DCHS2: variants seen among roughly 807,000 people sequenced by gnomAD.
The protein encoded by DCHS2 is dachsous cadherin-related 2, also known as protocadherin-23.
A neutral mutation model predicts 182.4 loss-of-function variants in DCHS2; 142 were observed. The observed-to-expected ratio is 0.78, with a 90% CI of 0.68 to 0.89. DCHS2 has a LOEUF of 0.89. Ranked by LOEUF, DCHS2 falls within the 40% of genes least tolerant of loss-of-function variation. The pLI is 0.00. For missense variants in DCHS2, 4,319 were observed against 4,198.6 expected (o/e 1.03, Z -0.79); for synonymous variants, 1,740 against 1,663.3 (o/e 1.05, Z -1.12).
At chr4:154,391,517 G>A (rs1731703294) in intron 1 of DCHS2, among the ~76,000 whole-genome samples, 2 of 152,146 alleles carry the variant, frequency 1.3e-5, no homozygotes, top group South Asian at 4.1e-4. Context: ...GAGTTAAAAA[G>A]ACTGAGGCAA....
intron 2 of DCHS2, among the ~76,000 whole-genome samples, chr4:154,367,367 G>A (rs539454412): frequency 6.6e-6 from 1 of 152,248 alleles, no homozygotes; most frequent in East Asian, 1.9e-4. Context: ...GCCTGAAGGA[G>A]GACAGGAGCA....
intron 1 of DCHS2, among the ~76,000 whole-genome samples, chr4:154,435,603 A>G (rs1207982602): frequency 6.6e-6 from 1 of 152,144 alleles, no homozygotes; most frequent in Non-Finnish European, 1.5e-5. Context: ...CTCAAAAAAA[A>G]AAAAAATTAC....
chr4:154,252,245 C>T (rs1444202251), intron 16 of DCHS2, among the ~76,000 whole-genome samples: 1 of 152,122 alleles, frequency 6.6e-6, no homozygotes, highest in Non-Finnish European at 1.5e-5. Context: ...TACAGGCATG[C>T]AATGTGTATC....
intron 1 of DCHS2, among the ~76,000 whole-genome samples, chr4:154,453,344 G>A (rs1403402666): frequency 4.7e-5 from 7 of 150,402 alleles, no homozygotes; most frequent in African/African-American, 1.5e-4. Flanking sequence ...TGGGGGTGGT[G>A]GGCAAAGATA....
At chr4:154,457,879 A>G (rs1427545445) in intron 1 of DCHS2, among the ~76,000 whole-genome samples, 6 of 152,142 alleles carry the variant, frequency 3.9e-5, no homozygotes, top group Admixed American at 3.9e-4. Context: ...TGGTCCAGGG[A>G]CCACACCTTG....
At chr4:154,371,756 C>G (rs1730656449) in intron 2 of DCHS2, among the ~76,000 whole-genome samples, 1 of 152,022 alleles carries the variant, frequency 6.6e-6, no homozygotes, top group Non-Finnish European at 1.5e-5. Flanking sequence ...GGAGCAGGAG[C>G]AAGAGAGAAG....
At chr4:154,238,574 G>A (rs569731890) in intron 19 of DCHS2, among the ~76,000 whole-genome samples, 3 of 152,308 alleles carry the variant, frequency 2.0e-5, no homozygotes, top group Admixed American at 1.3e-4. Flanking sequence ...TCACTTGCCT[G>A]AAGGCATTTC....
intron 3 of DCHS2, among the ~76,000 whole-genome samples, chr4:154,348,080 C>A (rs1275107215): frequency 2.0e-5 from 3 of 151,948 alleles, no homozygotes; most frequent in Non-Finnish European, 4.4e-5. Flanking sequence ...GATACTGACA[C>A]AAGTTGGCAA....
chr4:154,298,901 A>G, intron 12 of DCHS2, 193 bp from the exon 13 acceptor site: 1 of 664,042 alleles, frequency 1.5e-6, no homozygotes, highest in East Asian at 3.1e-5. Context: ...TGAAACTTCT[A>G]TTGAGGGGAT....
intron 13 of DCHS2, among the ~76,000 whole-genome samples, chr4:154,280,590 A>G (rs1734084082): frequency 6.6e-6 from 1 of 152,188 alleles, no homozygotes; most frequent in Admixed American, 6.5e-5. Context: ...AATTAATGCG[A>G]TACACCACAT....
chr4:154,478,271 A>G (rs1272414580), intron 1 of DCHS2, among the ~76,000 whole-genome samples: 1 of 152,222 alleles, frequency 6.6e-6, no homozygotes, highest in Non-Finnish European at 1.5e-5. Flanking sequence ...AGTAATAGAA[A>G]TTGAAATGCA....
In DCHS2 at chr4:154,490,094, C is replaced by A. The variant is rs772369749; in HGVS notation, c.1262G>T (p.Gly421Val). The A allele has an allele frequency of 6.5e-7, 1 of 1,549,688 alleles. No homozygotes were observed. The highest frequency in any genetic ancestry group is 1.4e-5 in the African/African-American group (1 of 73,164). The change falls in exon 1 of 20, where the codon GGA (glycine) becomes GTA (valine). Residue 421 changes from glycine (G) to valine (V), a missense_variant. Physicochemically the swap from Gly to Val is moderately radical, Grantham distance 109. Transcript: ENST00000357232. ...GCCTTCAGAGACACGGGCGACGCCT[C>A]CCTCTGTGAGAAAGAGCACGTGAAT... ...PAIHVLFLTEGGVARVSEGAR... is the reference protein window; with the variant it reads ...PAIHVLFLTEVGVARVSEGAR...
At chr4:154,350,464 G>A (rs1307855276) in intron 3 of DCHS2, among the ~76,000 whole-genome samples, 1 of 151,936 alleles carries the variant, frequency 6.6e-6, no homozygotes, top group Non-Finnish European at 1.5e-5. Context: ...TTTGCCAACT[G>A]ACTACTTTCT....
intron 1 of DCHS2, among the ~76,000 whole-genome samples, chr4:154,421,638 ACC>A: frequency 6.6e-6 from 1 of 152,126 alleles, no homozygotes; most frequent in South Asian, 2.1e-4. Flanking sequence ...CAAAAAATCC[ACC>A]ACCTTGGCCT....
At chr4:154,433,446 G>GTGATCTCCACTCAC (rs1222318143) in intron 1 of DCHS2, among the ~76,000 whole-genome samples, 4 of 140,032 alleles carry the variant, frequency 2.9e-5, no homozygotes, top group Admixed American at 8.1e-5. Context: ...CTAGGCTGGA[G>GTGATCTCCACTCAC]TGCAGTGGCG....
chr4:154,434,606 T>C (rs1026271159), intron 1 of DCHS2, among the ~76,000 whole-genome samples: 10 of 151,896 alleles, frequency 6.6e-5, no homozygotes, highest in African/African-American at 2.4e-4. Flanking sequence ...TACATGAGTG[T>C]TTTTTTTATT....
At chr4:154,348,668 G>A (rs1268022950) in intron 3 of DCHS2, among the ~76,000 whole-genome samples, 1 of 151,954 alleles carries the variant, frequency 6.6e-6, no homozygotes, top group African/African-American at 2.4e-5. Context: ...AAACAGAGAT[G>A]AGAGTAACAC....
At chr4:154,463,354 T>A (rs1735097368) in intron 1 of DCHS2, among the ~76,000 whole-genome samples, 1 of 151,976 alleles carries the variant, frequency 6.6e-6, no homozygotes, top group Admixed American at 6.6e-5. Context: ...GGCCTTAAGA[T>A]CCCCAACTAT....
intron 18 of DCHS2, among the ~76,000 whole-genome samples, 186 bp from the exon 19 acceptor site, chr4:154,239,488 G>A (rs1320759791): frequency 2.0e-5 from 3 of 152,034 alleles, no homozygotes; most frequent in East Asian, 3.9e-4. Flanking sequence ...ATAGTCCCTG[G>A]ATTCAGAAAA....
Sources: allele counts gnomAD v4.1 joint callset (sites outside exome capture counted in the v4.1 genomes callset), GRCh38; gene constraint gnomAD v4.1.1; transcripts MANE v1.5; gene names NCBI Gene and HGNC (gene_info 2026-07-23, HGNC 2026-07-21).